PTPRB: variants seen among roughly 807,000 people sequenced by gnomAD.
PTPRB encodes the protein protein tyrosine phosphatase receptor type B.
A neutral mutation model predicts 238.1 loss-of-function variants in PTPRB; 97 were observed. That is an observed-to-expected ratio of 0.41 (90% CI 0.35 to 0.48). The LOEUF is 0.48. Ranked by LOEUF, PTPRB falls within the 20% of genes least tolerant of loss-of-function variation. The pLI, the probability that PTPRB is intolerant of heterozygous loss-of-function variation, is 0.30. For synonymous variants in PTPRB, 970 were observed against 995.4 expected (o/e 0.97, Z 0.48); for missense variants, 2,292 against 2,681.9 (o/e 0.85, Z 3.21).
intron 4 of PTPRB, among the ~76,000 whole-genome samples, chr12:70,598,333 C>T (rs956427663): frequency 3.3e-5 from 5 of 152,146 alleles, no homozygotes; most frequent in South Asian, 2.1e-4. Flanking sequence ...GTATCTGGCA[C>T]GTAGTAAGTA....
chr12:70,584,349 A>T (rs1466679862), intron 9 of PTPRB, among the ~76,000 whole-genome samples: 1 of 152,186 alleles, frequency 6.6e-6, no homozygotes, highest in Non-Finnish European at 1.5e-5. Flanking sequence ...GCAATATTAG[A>T]GAGTTAATAG....
chr12:70,592,853 T>C (rs1202205045), intron 6 of PTPRB, among the ~76,000 whole-genome samples: 1 of 152,244 alleles, frequency 6.6e-6, no homozygotes, highest in African/African-American at 2.4e-5. Flanking sequence ...TGGGAAACTC[T>C]GGACAGCTCT....
chr12:70,553,826 T>G (rs1877256776), intron 20 of PTPRB, among the ~76,000 whole-genome samples: 1 of 152,222 alleles, frequency 6.6e-6, no homozygotes, highest in Admixed American at 6.5e-5. Context: ...TAAAAAGAAA[T>G]GTTGTCTTTA....
chr12:70,552,725 G>A, intron 21 of PTPRB, 52 bp downstream of exon 21: 1 of 1,599,040 alleles, frequency 6.3e-7, no homozygotes, highest in Non-Finnish European at 8.5e-7. Flanking sequence ...ACAGCTGAGT[G>A]CTTAGTAATG....
rs565604390 is a variant in PTPRB at position 70,616,196 on chromosome 12, G to A, written c.708+6194C>T. Reference sequence around the variant, plus strand: ...TGGGCTCATGTGACCCTCCTGCCTCGGCCTCCCAAAGTGCTAGGATTACAG... The same window carrying A: ...TGGGCTCATGTGACCCTCCTGCCTCAGCCTCCCAAAGTGCTAGGATTACAG... On this transcript the variant is annotated intron_variant, in intron 3 of 33. Transcript: ENST00000334414. 1.8e-4 allele frequency among the ~76,000 whole-genome samples: 28 copies of A among 151,866 alleles called. 1 individual carries two copies. The Middle Eastern group carries it at 0.01, about 55-fold the overall frequency.
At chr12:70,561,667 G>A (rs1186980056) in intron 16 of PTPRB, among the ~76,000 whole-genome samples, 3 of 152,142 alleles carry the variant, frequency 2.0e-5, no homozygotes, top group Admixed American at 1.3e-4. Context: ...CTTCTGTTGG[G>A]TGCCCTTGGA....
chr12:70,549,753 G>A (rs1372246782), intron 21 of PTPRB, among the ~76,000 whole-genome samples: 2 of 152,174 alleles, frequency 1.3e-5, no homozygotes, highest in African/African-American at 2.4e-5. Context: ...TTTGGGAGAC[G>A]ACACCTCCTC....
chr12:70,634,850 G>A (rs149594020), intron 2 of PTPRB, among the ~76,000 whole-genome samples: 81 of 152,308 alleles, frequency 5.3e-4, no homozygotes, highest in African/African-American at 1.7e-3. Flanking sequence ...GTTCATTGGT[G>A]CCTAATATAT....
chr12:70,589,852 A>G (rs1409583518), intron 8 of PTPRB, 112 bp downstream of exon 8: 4 of 1,091,442 alleles, frequency 3.7e-6, no homozygotes. Flanking sequence ...TAATATCTCA[A>G]ATTCAGAAAA....
At chr12:70,620,781 A>G (rs1884894861) in intron 3 of PTPRB, among the ~76,000 whole-genome samples, 1 of 152,196 alleles carries the variant, frequency 6.6e-6, no homozygotes, top group Non-Finnish European at 1.5e-5. Context: ...ATTTTGTTCT[A>G]AGTGAGAGCT....
Position 70,559,487 on chromosome 12 carries a change from A to G in PTPRB, c.4570T>C (p.Phe1524Leu). 6.2e-7 allele frequency: 1 copy of G among 1,613,996 alleles called. No individual in the cohort carries two copies. Among genetic ancestry groups the G allele is most frequent in the Non-Finnish European group, 8.5e-7 (1 of 1,179,876 alleles). ...GATTTTCTGTTGTTGTAGGGGTTGAAGACAGTAAGTGCATCTCTGGGCAAC... is the reference window on the plus strand; with the variant it reads ...GATTTTCTGTTGTTGTAGGGGTTGAGGACAGTAAGTGCATCTCTGGGCAAC... ...QWLPRDALTV[F>L]NPYNNRKSEG... Residue 1524 changes from phenylalanine (F) to leucine (L), a missense_variant, in exon 18 of 34, where the codon TTC becomes CTC. Phe to Leu is a conservative substitution (Grantham distance 22). Around this residue, in one of 4 missense-constraint regions of PTPRB, gnomAD observed 683 missense variants for 862.0 expected, o/e 0.79. Coordinates refer to ENST00000334414, the MANE Select transcript of PTPRB (RefSeq NM_001109754.4).
In PTPRB at chr12:70,516,851, T is replaced by C. The variant is rs1010515040; in HGVS notation, c.*4638A>G. ...TTATTTCCATTACATAAGCCTCTAT[T>C]TTCAGAGCATTCACCAACAATTTCT... On this transcript the variant is annotated 3_prime_UTR_variant, in exon 34 of 34. Transcript: ENST00000334414. The C allele has an allele frequency of 1.3e-5, 2 of 152,206 alleles. No homozygotes were observed. Among genetic ancestry groups the C allele is most frequent in the African/African-American group, 4.8e-5 (2 of 41,448 alleles). 9.4% of individuals were successfully genotyped at this position (152,206 alleles called of 1,614,324 possible).
intron 21 of PTPRB, among the ~76,000 whole-genome samples, chr12:70,550,939 A>G (rs1876785854): frequency 6.6e-6 from 1 of 151,606 alleles, no homozygotes; most frequent in African/African-American, 2.4e-5. Flanking sequence ...TCTGTCGCCC[A>G]GGCTGGAGTA....
intron 31 of PTPRB, among the ~76,000 whole-genome samples, chr12:70,533,632 T>C (rs1304579976): frequency 6.6e-6 from 1 of 152,222 alleles, no homozygotes; most frequent in Non-Finnish European, 1.5e-5. Flanking sequence ...CAAAAATTCA[T>C]GTTGAAACTT....
chr12:70,622,936 T>A (rs558996659), intron 2 of PTPRB, among the ~76,000 whole-genome samples: 8 of 138,048 alleles, frequency 5.8e-5, no homozygotes, highest in Non-Finnish European at 1.1e-4. Context: ...TTAAACCTAT[T>A]CTATGAGAAT....
chr12:70,546,913 T>A (rs1876054305), intron 21 of PTPRB, among the ~76,000 whole-genome samples: 1 of 152,208 alleles, frequency 6.6e-6, no homozygotes, highest in African/African-American at 2.4e-5. Flanking sequence ...CTGTGAAGAT[T>A]CTCTAATTGA....
chr12:70,522,800 C>A (rs375847632), intron 33 of PTPRB, among the ~76,000 whole-genome samples: 30 of 151,694 alleles, frequency 2.0e-4, no homozygotes, highest in African/African-American at 7.2e-4. Context: ...TGTTTTACAT[C>A]CTGCTTTTCT....
chr12:70,632,566 T>TTAAAG (rs1885504474), intron 2 of PTPRB, among the ~76,000 whole-genome samples: 1 of 151,360 alleles, frequency 6.6e-6, no homozygotes, highest in Non-Finnish European at 1.5e-5. Flanking sequence ...ACCCTAGAAC[T>TTAAAG]TAAAGTATAA....
At chr12:70,566,764 A>G in intron 14 of PTPRB, 60 bp from the exon 15 acceptor site, 1 of 1,543,016 alleles carries the variant, frequency 6.5e-7, no homozygotes, top group Non-Finnish European at 8.8e-7. Context: ...TAAAGTCATC[A>G]ATTGAGAAAA....
Sources: allele counts gnomAD v4.1 joint callset (sites outside exome capture counted in the v4.1 genomes callset), GRCh38; gene constraint gnomAD v4.1.1; regional missense constraint gnomAD v4.1.1; transcripts MANE v1.5; gene names NCBI Gene and HGNC (gene_info 2026-07-23, HGNC 2026-07-21).